Variants in RASSF1 observed in about 807,000 individuals in gnomAD.
RASSF1 encodes ras association domain-containing protein 1.
RASSF1 carries 33 observed loss-of-function variants against 34.3 expected under a neutral mutation model. That is an observed-to-expected ratio of 0.96 (90% CI 0.73 to 1.29). The LOEUF (loss-of-function observed/expected upper bound fraction) is 1.29, where lower values mean the gene tolerates loss of function less well. Among genes scored for constraint, RASSF1 ranks in the 50% most tolerant of loss-of-function variants. The pLI is 0.00. For missense variants in RASSF1, 445 were observed against 471.8 expected, an observed-to-expected ratio of 0.94 and a Z score of 0.53; for synonymous variants, 191 against 195.0, an observed-to-expected ratio of 0.98 and a Z score of 0.17.
rs372893060 is a variant in RASSF1, at chr3:50,331,575, A to G, written c.744T>C (p.Ala248=). The G allele has an allele frequency of 3.3e-5, 53 of 1,594,072 alleles. 1 individual carries two copies. The highest frequency in any genetic ancestry group is 4.5e-5 in the Non-Finnish European group (52 of 1,163,982). Residue 248 remains alanine, a synonymous_variant, in exon 4 of 6, where the codon GCT becomes GCC. Coordinates refer to ENST00000359365, the MANE Select transcript of RASSF1 (RefSeq NM_007182.5). ...GAAGCCCACCTTGGCCGTGACGCTC[A>G]GCGCGCTCAAAGAGTGCAAACTTGC... ...DPRKFALFER[A]ERHGQVYLRK...
chr3:50,330,378 G>C lies in RASSF1; in HGVS notation c.*203C>G. On this transcript the variant is annotated 3_prime_UTR_variant, in exon 6 of 6. Transcript: ENST00000359365. The surrounding 1 kb of genome is among the most constrained non-coding windows in gnomAD (Gnocchi z 4.5). ...GGCCCACTAAGGCCCAGTAATGAGG[G>C]CAGAGGGGTGCAGAGCCATACCTGG... 1 of 689,640 alleles carries C rather than the reference G, an allele frequency of 1.5e-6. No homozygotes were observed. 42.7% of individuals were successfully genotyped at this position (689,640 alleles called of 1,614,324 possible).
intron 2 of RASSF1, among the ~76,000 whole-genome samples, chr3:50,333,553 T>G (rs1019142704): frequency 6.6e-6 from 1 of 152,000 alleles, no homozygotes; most frequent in Non-Finnish European, 1.5e-5. Context: ...CTTGGCTCAC[T>G]GCAAGTTCTG....
intron 2 of RASSF1, among the ~76,000 whole-genome samples, chr3:50,334,387 C>T (rs1288240282): frequency 1.3e-5 from 2 of 152,200 alleles, no homozygotes; most frequent in East Asian, 1.9e-4. Flanking sequence ...GCAACCTTGT[C>T]GGGTTAGTAA....
At chr3:50,339,357 GTTC>G (rs1007653830) in intron 1 of RASSF1, among the ~76,000 whole-genome samples, 5 of 129,344 alleles carry the variant, frequency 3.9e-5, no homozygotes, top group Admixed American at 7.7e-5. Context: ...TCCCAGCCTT[GTTC>G]TTTTTTTTTT....
intron 1 of RASSF1, among the ~76,000 whole-genome samples, chr3:50,339,269 A>G (rs998356193): frequency 6.6e-6 from 1 of 151,330 alleles, no homozygotes; most frequent in African/African-American, 2.4e-5. Context: ...CCTTGTCTCT[A>G]CCTCTGATAA....
At chr3:50,335,687 C>A (rs587657019) in intron 2 of RASSF1, among the ~76,000 whole-genome samples, 1 of 152,206 alleles carries the variant, frequency 6.6e-6, no homozygotes, top group South Asian at 2.1e-4. Context: ...ACGATCTTGG[C>A]TCACTGCAAC....
At position 50,330,099 on chromosome 3, in the gene RASSF1, G is replaced by A. The variant is rs587655937; in HGVS notation, c.*482C>T. ...TCAGGGTGTGTGAGGAGTTGGCACT[G>A]TAGAGAGAAACCAAGACTCTTCCTC... On this transcript the variant is annotated 3_prime_UTR_variant, in exon 6 of 6. Coordinates refer to ENST00000359365, the MANE Select transcript of RASSF1 (RefSeq NM_007182.5). This position sits in a 1 kb window ranked among gnomAD's most constrained non-coding sequence, Gnocchi z 4.5. The A allele has an allele frequency of 6.4e-6, 1 of 157,028 alleles. No individual in the cohort carries two copies. Among genetic ancestry groups the A allele is most frequent in the Admixed American group, 6.3e-5 (1 of 15,876 alleles). The allele number at this position is 157,028 out of a possible 1,614,324, so 9.7% of individuals were successfully genotyped here. A position where few individuals can be genotyped will look rare whatever the true frequency, so the allele number is the denominator to read the frequency against.
intron 2 of RASSF1, among the ~76,000 whole-genome samples, chr3:50,334,957 GT>G (rs67898548): frequency 2.0e-5 from 3 of 149,328 alleles, no homozygotes; most frequent in Non-Finnish European, 3.0e-5. Context: ...AAAACTGATG[GT>G]TTTTTTTTTG....
rs760639255 is a variant in RASSF1 at position 50,337,345 on chromosome 3, C to A, written c.357+560G>T. 4 of 1,606,804 alleles carry A rather than the reference C, an allele frequency of 2.5e-6. No individual in the cohort carries two copies. The East Asian group carries it at 8.9e-5, about 36-fold the overall frequency. On this transcript the variant is annotated intron_variant, in intron 2 of 5. Transcript: ENST00000359365. ...AGCCGTACCCGCCCGTCCCCCAGTC[C>A]TGCGCGTCCGTAGCCGCCAACCACC... is the stretch of plus-strand genomic sequence containing the variant.
intron 2 of RASSF1, among the ~76,000 whole-genome samples, chr3:50,335,083 G>T (rs1448578014): frequency 6.6e-6 from 1 of 151,984 alleles, no homozygotes; most frequent in African/African-American, 2.4e-5. Flanking sequence ...CAAGTAGCTG[G>T]GATTACAGGT....
intron 1 of RASSF1, among the ~76,000 whole-genome samples, chr3:50,339,110 A>G (rs1289822582): frequency 6.6e-6 from 1 of 152,208 alleles, no homozygotes; most frequent in Non-Finnish European, 1.5e-5. Flanking sequence ...TAGGATGTCT[A>G]AAAGACGTTT....
In RASSF1 at chr3:50,338,001, G is replaced by T. The variant is rs2109348591; in HGVS notation, c.261C>A (p.Phe87Leu). The change falls in exon 2 of 6, where the codon TTC becomes TTA. Residue 87 changes from phenylalanine (F) to leucine (L), a missense_variant. Physicochemically the swap from Phe to Leu is conservative, Grantham distance 22 (BLOSUM62 0). Coordinates refer to ENST00000359365, the MANE Select transcript of RASSF1 (RefSeq NM_007182.5). ...GCGCGCGGCAGCGGTAGTGGCAGGT[G>T]AACTTGCAATCTGCAGAGAGGCCTG... ...RKGLQCAHCK[F>L]TCHYRCRALV... is the part of the protein sequence containing the mutation. The T allele has an allele frequency of 6.3e-7, 1 of 1,589,916 alleles. No individual in the cohort carries two copies. Among genetic ancestry groups the T allele is most frequent in the East Asian group, 2.3e-5 (1 of 43,708 alleles).
Position 50,333,057 on chromosome 3 carries a change from G to A in RASSF1, c.358-903C>T, listed in dbSNP as rs143024346. On this transcript the variant is annotated intron_variant, in intron 2 of 5. Coordinates refer to ENST00000359365, the MANE Select transcript of RASSF1 (RefSeq NM_007182.5). ...TGCAGTGAACTGAGATCGTGCCATC[G>A]CACTCCAGCCTGGGCAACAAGAGCG... 2.6e-3 allele frequency among the ~76,000 whole-genome samples: 398 copies of A among 151,984 alleles called. 2 individuals carry two copies. The highest frequency in any genetic ancestry group is 9.2e-3 in the African/African-American group (381 of 41,420).
Position 50,331,736 on chromosome 3 carries a change from C to G in RASSF1, c.583G>C (p.Gly195Arg). Residue 195 changes from glycine to arginine, a missense_variant, in exon 4 of 6, where the codon GGC (glycine) becomes CGC (arginine). Transcript: ENST00000359365. ...LQDARRGPGR[G>R]TSVRRRTSFY... Reference sequence around the variant, plus strand: ...GAAGTGCGGCGCCTGACACTTGTGCCCCGTCCTGGGCCCCGCCGGGCATCC... The same window carrying G: ...GAAGTGCGGCGCCTGACACTTGTGCGCCGTCCTGGGCCCCGCCGGGCATCC... 1 of 1,612,752 alleles carries G rather than the reference C, an allele frequency of 6.2e-7. No homozygotes were observed. Among genetic ancestry groups the G allele is most frequent in the Non-Finnish European group, 8.5e-7 (1 of 1,179,162 alleles).
intron 2 of RASSF1, among the ~76,000 whole-genome samples, chr3:50,335,076 G>A (rs1703078214): frequency 6.6e-6 from 1 of 151,966 alleles, no homozygotes; most frequent in South Asian, 2.1e-4. Context: ...AGCCTCCCAA[G>A]TAGCTGGGAT....
Position 50,330,433 on chromosome 3 carries a change from G to A in RASSF1, c.*148C>T. ...ACCCACAGGTGGACACAGGGAGCAAGCTACTTCGCTGTTCTCTGGGCTCAT... is the reference window on the plus strand; with the variant it reads ...ACCCACAGGTGGACACAGGGAGCAAACTACTTCGCTGTTCTCTGGGCTCAT... On this transcript the variant is annotated 3_prime_UTR_variant, in exon 6 of 6. Coordinates refer to ENST00000359365, the MANE Select transcript of RASSF1 (RefSeq NM_007182.5). This position sits in a 1 kb window ranked among gnomAD's most constrained non-coding sequence, Gnocchi z 4.5. 1.8e-6 allele frequency: 2 copies of A among 1,124,358 alleles called. No individual in the cohort carries two copies. Among genetic ancestry groups the A allele is most frequent in the South Asian group, 3.0e-5 (2 of 67,528 alleles). The allele number at this position is 1,124,358 out of a possible 1,614,324, so 69.6% of individuals were successfully genotyped here.
rs763401159 is a variant in RASSF1, at chr3:50,331,627, CGCA to C, written c.689_691del (p.Leu230del). On this transcript the variant is annotated inframe_deletion, in exon 4 of 6. Coordinates refer to ENST00000359365, the MANE Select transcript of RASSF1 (RefSeq NM_007182.5). Reference sequence around the variant, plus strand: ...GGGGTCATCCACCACCAAGAACTTTCGCAGCAGGGCCTCAATGACTTCACGTGC... The same window carrying C: ...GGGGTCATCCACCACCAAGAACTTTCGCAGGGCCTCAATGACTTCACGTGC... 1 of 1,605,538 alleles carries C rather than the reference CGCA, an allele frequency of 6.2e-7. No homozygotes were observed. Among genetic ancestry groups the C allele is most frequent in the Non-Finnish European group, 8.5e-7 (1 of 1,172,790 alleles).
At chr3:50,331,225 G>GT (rs1448711644) in intron 5 of RASSF1, 109 bp downstream of exon 5, 1 of 896,510 alleles carries the variant, frequency 1.1e-6, no homozygotes, top group African/African-American at 1.7e-5. Context: ...TCCTGGAACT[G>GT]TTTTGCAGGG....
rs752046710 is a variant in RASSF1 at position 50,331,890 on chromosome 3, G to C, written c.463-34C>G. The C allele has an allele frequency of 1.4e-5, 21 of 1,545,520 alleles. No homozygotes were observed. In the South Asian group the frequency reaches 2.6e-4, roughly 19 times the overall value. On this transcript the variant is annotated intron_variant, in intron 3 of 5. Transcript: ENST00000359365. ...ATAGAGAAACCAAACCTTGATAATA[G>C]GTTCCAGGTGAGATGTCAGTCTACT... is the stretch of plus-strand genomic sequence containing the variant.
Sources: gnomAD v4.1 joint callset for allele counts (sites outside exome capture counted in the v4.1 genomes callset) on GRCh38, gnomAD v4.1.1 for gene constraint, Gnocchi (gnomAD v3.1) non-coding constraint, MANE v1.5 for transcripts, NCBI Gene and HGNC (gene_info 2026-07-23, HGNC 2026-07-21) for gene names.